The following ARHGAP10 variants were observed in gnomAD, a reference collection of about 807,000 sequenced individuals.
ARHGAP10 encodes the protein Rho GTPase activating protein 10.
ARHGAP10 carries 87 observed loss-of-function variants against 108.6 expected under a neutral mutation model. The ratio of observed to expected loss-of-function variants is 0.80; its 90% confidence interval spans 0.67 to 0.96. The LOEUF (loss-of-function observed/expected upper bound fraction) is 0.96. ARHGAP10 is among the 40% of genes least tolerant of loss of function. The probability of loss-of-function intolerance (pLI) is 0.00; values close to 1 mark genes in which losing one functional copy is unlikely to be tolerated. For missense variants in ARHGAP10, 939 were observed against 954.5 expected, an observed-to-expected ratio of 0.98 and a Z score of 0.21; for synonymous variants, 347 against 341.1, an observed-to-expected ratio of 1.02 and a Z score of -0.19.
intron 1 of ARHGAP10, among the ~76,000 whole-genome samples, chr4:147,758,082 G>C (rs534065914): frequency 4.6e-5 from 7 of 152,262 alleles, no homozygotes; most frequent in Admixed American, 1.3e-4. Flanking sequence ...GGCCAACATG[G>C]AGAAACCCCG....
At position 147,816,004 on chromosome 4, in the gene ARHGAP10, CG is replaced by C. The variant is rs548276790; in HGVS notation, c.155-6722del. Among the ~76,000 whole-genome samples, 452 of 152,302 alleles carry C rather than the reference CG, an allele frequency of 3.0e-3. No individual in the cohort carries two copies. The Middle Eastern group carries it at 0.031, about 10-fold the overall frequency. ...TTACTACAGCAATAAGAAATGAATA[CG>C]TAAGTGTCAGCTGTTTTATCTGGTT... is the stretch of plus-strand genomic sequence containing the variant. On this transcript the variant is annotated intron_variant, in intron 1 of 22. Coordinates refer to ENST00000336498, the MANE Select transcript of ARHGAP10 (RefSeq NM_024605.4).
At chr4:147,804,959 C>T (rs1303312930) in intron 1 of ARHGAP10, among the ~76,000 whole-genome samples, 2 of 152,086 alleles carry the variant, frequency 1.3e-5, no homozygotes, top group Non-Finnish European at 2.9e-5. Flanking sequence ...TTTTGCTGTG[C>T]AGAGGCTCTT....
chr4:148,036,511 G>A (rs1728386003), intron 19 of ARHGAP10, among the ~76,000 whole-genome samples: 1 of 152,176 alleles, frequency 6.6e-6, no homozygotes, highest in Non-Finnish European at 1.5e-5. Context: ...GTTTTATAAG[G>A]GGGCTTTCCC....
intron 1 of ARHGAP10, among the ~76,000 whole-genome samples, chr4:147,785,311 G>A (rs1730845346): frequency 6.6e-6 from 1 of 151,990 alleles, no homozygotes; most frequent in South Asian, 2.1e-4. Flanking sequence ...CTCCAATCCA[G>A]TGCTCCATTT....
intron 1 of ARHGAP10, among the ~76,000 whole-genome samples, chr4:147,739,908 G>C (rs1188305519): frequency 6.6e-6 from 1 of 151,446 alleles, no homozygotes; most frequent in Admixed American, 6.6e-5. Context: ...GCTAATTTTT[G>C]TATTTTTTGT....
chr4:147,740,897 T>C (rs752199883), intron 1 of ARHGAP10, among the ~76,000 whole-genome samples: 12 of 152,034 alleles, frequency 7.9e-5, no homozygotes, highest in Non-Finnish European at 1.2e-4. Context: ...CCCCAAGGGG[T>C]AGGACCTATC....
At chr4:147,755,644 A>T (rs1295354896) in intron 1 of ARHGAP10, among the ~76,000 whole-genome samples, 1 of 152,238 alleles carries the variant, frequency 6.6e-6, no homozygotes, top group African/African-American at 2.4e-5. Context: ...TATTTTAGGA[A>T]GTAGCTGTAC....
At chr4:147,893,081 C>T (rs200272898) in intron 10 of ARHGAP10, among the ~76,000 whole-genome samples, 65 of 151,234 alleles carry the variant, frequency 4.3e-4, no homozygotes, top group East Asian at 2.7e-3. Context: ...TTTTTTGAGA[C>T]GGAGTCTTGC....
intron 18 of ARHGAP10, among the ~76,000 whole-genome samples, chr4:147,983,670 A>T (rs947097212): frequency 6.6e-6 from 1 of 152,118 alleles, no homozygotes; most frequent in Non-Finnish European, 1.5e-5. Context: ...GTTCCTTCTT[A>T]ACATAGCTAT....
chr4:147,850,790 C>T (rs1203379736), intron 4 of ARHGAP10, among the ~76,000 whole-genome samples: 1 of 152,198 alleles, frequency 6.6e-6, no homozygotes, highest in Non-Finnish European at 1.5e-5. Flanking sequence ...AAGAGTTTCT[C>T]TAAGGCCTAG....
chr4:147,835,692 T>A (rs1286916164), intron 3 of ARHGAP10, among the ~76,000 whole-genome samples: 1 of 152,226 alleles, frequency 6.6e-6, no homozygotes, highest in Non-Finnish European at 1.5e-5. Context: ...TTTCTTGATT[T>A]AACAGTTTAT....
chr4:147,829,778 A>C (rs1209612842), intron 3 of ARHGAP10, among the ~76,000 whole-genome samples: 1 of 152,240 alleles, frequency 6.6e-6, no homozygotes, highest in Non-Finnish European at 1.5e-5. Flanking sequence ...TTGTTCTTTT[A>C]AAAGCCCTTC....
intron 13 of ARHGAP10, among the ~76,000 whole-genome samples, chr4:147,933,615 T>G (rs1257257933): frequency 1.3e-5 from 2 of 152,178 alleles, no homozygotes; most frequent in Admixed American, 1.3e-4. Context: ...ACTCAGAAGT[T>G]GACGTGGCTT....
intron 1 of ARHGAP10, among the ~76,000 whole-genome samples, chr4:147,754,771 GTTAGAA>G: frequency 6.6e-6 from 1 of 152,180 alleles, no homozygotes; most frequent in African/African-American, 2.4e-5. Flanking sequence ...ACATTCTTCT[GTTAGAA>G]TTATAATGAA....
At chr4:147,914,380 T>C (rs1245857838) in intron 13 of ARHGAP10, among the ~76,000 whole-genome samples, 2 of 152,032 alleles carry the variant, frequency 1.3e-5, no homozygotes, top group Non-Finnish European at 2.9e-5. Flanking sequence ...TTTTTTAAGA[T>C]AGGGCCTCAC....
At chr4:147,994,768 C>T (rs901867183) in intron 18 of ARHGAP10, among the ~76,000 whole-genome samples, 4 of 152,096 alleles carry the variant, frequency 2.6e-5, no homozygotes, top group Non-Finnish European at 4.4e-5. Context: ...GAAACATTCT[C>T]CTAGGAAAGG....
intron 19 of ARHGAP10, among the ~76,000 whole-genome samples, chr4:148,026,990 A>G (rs1018847550): frequency 1.3e-5 from 2 of 152,210 alleles, no homozygotes; most frequent in Non-Finnish European, 2.9e-5. Flanking sequence ...AATCTCTTAC[A>G]TAAAGAGGGG....
intron 20 of ARHGAP10, among the ~76,000 whole-genome samples, chr4:148,055,209 G>A (rs777494925): frequency 1.8e-4 from 28 of 152,314 alleles, no homozygotes; most frequent in Non-Finnish European, 3.1e-4. Context: ...GACTTTGGGA[G>A]TGAACTTTGT....
chr4:148,070,696 G>A (rs951078865), intron 22 of ARHGAP10, among the ~76,000 whole-genome samples: 2 of 152,196 alleles, frequency 1.3e-5, no homozygotes, highest in African/African-American at 2.4e-5. Flanking sequence ...TGTGTGTTAC[G>A]GATGTGTATG....
Sources: gnomAD v4.1 joint callset for allele counts (sites outside exome capture counted in the v4.1 genomes callset) on GRCh38, gnomAD v4.1.1 for gene constraint, MANE v1.5 for transcripts, NCBI Gene and HGNC (gene_info 2026-07-23, HGNC 2026-07-21) for gene names.